Variants in MECOM observed in about 807,000 individuals in gnomAD.
MECOM encodes the protein MDS1 and EVI1 complex locus.
In MECOM, 13 loss-of-function variants were observed where a neutral mutation model predicts 116.3. The ratio of observed to expected loss-of-function variants is 0.11; its 90% CI spans 0.07 to 0.18. MECOM has a LOEUF of 0.18. Ranked by LOEUF, MECOM falls within the 10% of genes least tolerant of loss-of-function variation. The pLI is 1.00. For missense variants in MECOM, 1,299 were observed against 1,509.0 expected (o/e 0.86, Z 2.31); for synonymous variants, 528 against 535.2 (o/e 0.99, Z 0.19).
intron 1 of MECOM, among the ~76,000 whole-genome samples, chr3:169,608,409 G>A (rs1768848455): frequency 6.6e-6 from 1 of 152,178 alleles, no homozygotes; most frequent in South Asian, 2.1e-4. Context: ...CAGATCTCGA[G>A]TCAGTAGGTT....
At chr3:169,177,495 T>TAA (rs1439649454) in intron 2 of MECOM, among the ~76,000 whole-genome samples, 1 of 151,836 alleles carries the variant, frequency 6.6e-6, no homozygotes, top group Non-Finnish European at 1.5e-5. Context: ...GGAAGGAACT[T>TAA]AGAGGACAGG....
Position 169,529,484 on chromosome 3 carries a change from C to T in MECOM, c.37+133852G>A, listed in dbSNP as rs948987820. On this transcript the variant is annotated intron_variant, in intron 1 of 16. Coordinates refer to ENST00000651503, the MANE Select transcript of MECOM (RefSeq NM_004991.4). ...TAACAATTGCCAAGGCTTCCCATAT[C>T]CATATCCTGTAGCATTTACCACCAC... is the stretch of plus-strand genomic sequence containing the variant. Among the ~76,000 whole-genome samples, 6 of 152,154 alleles carry T rather than the reference C, an allele frequency of 3.9e-5. No individual in the cohort carries two copies. The East Asian group carries it at 1.2e-3, about 29-fold the overall frequency.
intron 1 of MECOM, among the ~76,000 whole-genome samples, chr3:169,578,963 G>C (rs1229328305): frequency 1.3e-5 from 2 of 152,178 alleles, no homozygotes; most frequent in Admixed American, 6.5e-5. Flanking sequence ...AGTGTTGAAA[G>C]CTAGGGCAAT....
intron 1 of MECOM, among the ~76,000 whole-genome samples, chr3:169,659,569 T>C (rs918717669): frequency 1.4e-5 from 2 of 141,506 alleles, no homozygotes; most frequent in Admixed American, 8.0e-5. Context: ...TAATAGCAAA[T>C]AAACCGCCTT....
intron 1 of MECOM, among the ~76,000 whole-genome samples, chr3:169,571,116 T>G (rs1262499436): frequency 1.3e-5 from 2 of 152,194 alleles, no homozygotes; most frequent in Non-Finnish European, 2.9e-5. Flanking sequence ...CAAAATCTCC[T>G]TAAGCTGATA....
chr3:169,255,772 G>T (rs1418054539), intron 2 of MECOM, among the ~76,000 whole-genome samples: 1 of 152,050 alleles, frequency 6.6e-6, no homozygotes, highest in Non-Finnish European at 1.5e-5. Flanking sequence ...CATCCAGCTG[G>T]AAAGGCCACT....
At chr3:169,192,425 ATT>A (rs1416436599) in intron 2 of MECOM, among the ~76,000 whole-genome samples, 1 of 151,924 alleles carries the variant, frequency 6.6e-6, no homozygotes, top group Admixed American at 6.6e-5. Flanking sequence ...AAAACCTCAA[ATT>A]TTTTTATTTA....
At chr3:169,477,164 T>G (rs1750627024) in intron 1 of MECOM, 1 of 119,062 alleles carries the variant, frequency 8.4e-6, no homozygotes, top group African/African-American at 3.3e-5. Context: ...CACACACAAT[T>G]TCATTTGCAA....
chr3:169,239,944 A>G (rs940823492), intron 2 of MECOM, among the ~76,000 whole-genome samples: 3 of 152,200 alleles, frequency 2.0e-5, no homozygotes, highest in East Asian at 1.9e-4. Flanking sequence ...CAAGAATTCA[A>G]CTGCTGAAGT....
intron 1 of MECOM, among the ~76,000 whole-genome samples, chr3:169,531,556 A>G (rs1323236462): frequency 1.3e-5 from 2 of 152,196 alleles, no homozygotes; most frequent in Non-Finnish European, 2.9e-5. Context: ...TAAATGACTT[A>G]GTCACATGGC....
intron 1 of MECOM, among the ~76,000 whole-genome samples, chr3:169,662,348 C>G (rs1164754640): frequency 6.6e-6 from 1 of 152,204 alleles, no homozygotes; most frequent in South Asian, 2.1e-4. Flanking sequence ...GCAGCCCGCC[C>G]CCTGGGGTTT....
chr3:169,244,878 CTT>C (rs1755386129), intron 2 of MECOM, among the ~76,000 whole-genome samples: 1 of 152,112 alleles, frequency 6.6e-6, no homozygotes, highest in Admixed American at 6.5e-5. Context: ...AGCCAAGTGT[CTT>C]AAACTATTTA....
chr3:169,660,694 G>T (rs914213690), intron 1 of MECOM, among the ~76,000 whole-genome samples: 1 of 152,158 alleles, frequency 6.6e-6, no homozygotes, highest in Non-Finnish European at 1.5e-5. Context: ...AAGAAAAACT[G>T]GTGCAGAGCA....
intron 1 of MECOM, among the ~76,000 whole-genome samples, chr3:169,594,459 C>T (rs929601155): frequency 6.6e-6 from 1 of 152,058 alleles, no homozygotes; most frequent in African/African-American, 2.4e-5. Context: ...GGCCCCAGCT[C>T]AGACCTGCAG....
intron 2 of MECOM, among the ~76,000 whole-genome samples, chr3:169,226,193 G>A (rs1226508490): frequency 4.6e-5 from 7 of 152,034 alleles, no homozygotes; most frequent in African/African-American, 1.7e-4. Context: ...GTGCAAAGAG[G>A]TAAAATAAAT....
At chr3:169,212,551 C>G (rs1461052987) in intron 2 of MECOM, among the ~76,000 whole-genome samples, 1 of 148,522 alleles carries the variant, frequency 6.7e-6, no homozygotes, top group Non-Finnish European at 1.5e-5. Context: ...ACAGGCAACA[C>G]AGGCACATCT....
chr3:169,550,661 A>C (rs1761260698), intron 1 of MECOM, among the ~76,000 whole-genome samples: 1 of 152,236 alleles, frequency 6.6e-6, no homozygotes, highest in African/African-American at 2.4e-5. Flanking sequence ...ATCTGTGGAT[A>C]CAATTATATA....
At chr3:169,184,324 T>C (rs1188634311) in intron 2 of MECOM, among the ~76,000 whole-genome samples, 2 of 151,544 alleles carry the variant, frequency 1.3e-5, no homozygotes, top group East Asian at 3.9e-4. Flanking sequence ...AGGGAGAAAA[T>C]GAACATAAAC....
intron 2 of MECOM, among the ~76,000 whole-genome samples, chr3:169,282,593 G>A (rs1013371714): frequency 3.9e-5 from 6 of 152,208 alleles, no homozygotes; most frequent in African/African-American, 1.4e-4. Flanking sequence ...ATTCTTTGCT[G>A]TATATTTATT....
Sources: allele counts gnomAD v4.1 joint callset (sites outside exome capture counted in the v4.1 genomes callset), GRCh38; gene constraint gnomAD v4.1.1; transcripts MANE v1.5; gene names NCBI Gene and HGNC (gene_info 2026-07-23, HGNC 2026-07-21).